The following PCDHGB3 variants were observed in gnomAD, a reference collection of about 807,000 sequenced individuals.
PCDHGB3 encodes protocadherin gamma subfamily B, 3, also known as protocadherin gamma-B3.
A neutral mutation model predicts 59.2 loss-of-function variants in PCDHGB3; 40 were observed. The observed-to-expected ratio is 0.68, with a 90% CI of 0.52 to 0.88. The LOEUF (loss-of-function observed/expected upper bound fraction) is 0.88, where lower values mean the gene tolerates loss of function less well. PCDHGB3 is among the 40% of genes least tolerant of loss of function. The pLI, the probability that PCDHGB3 is intolerant of heterozygous loss-of-function variation, is 0.00. For missense variants in PCDHGB3, 1,309 were observed against 1,187.9 expected (o/e 1.10, Z -1.50); for synonymous variants, 581 against 503.6 (o/e 1.15, Z -2.06).
chr5:141,477,262 C>A lies in PCDHGB3; in HGVS notation c.2416-17545C>A, dbSNP rs60063068. 1.2e-5 allele frequency: 19 copies of A among 1,614,020 alleles called. No homozygotes were observed. The East Asian group carries it at 4.2e-4, about 36-fold the overall frequency. On this transcript the variant is annotated intron_variant, in intron 1 of 3. Transcript: ENST00000576222. This position sits in a 1 kb window ranked among gnomAD's most constrained non-coding sequence, Gnocchi z 4.9. ...TCAGTGTGACTGACCTGGATGCTGG[C>A]GAGAACGGGCTGGTGACCTGCGAAG...
intron 1 of PCDHGB3, chr5:141,414,424 G>C (rs762669763): frequency 1.2e-6 from 2 of 1,613,846 alleles, no homozygotes; most frequent in Non-Finnish European, 1.7e-6. Context: ...CCTTGACAGG[G>C]AACAGGTATC....
Position 141,476,348 on chromosome 5 carries a change from G to C in PCDHGB3, c.2416-18459G>C, listed in dbSNP as rs764669470. Reference sequence around the variant, plus strand: ...GTCTGGAGCTAGCCGAAGATTCTTTGAGGTGAACCGGGAGACCGGAGAGAT... The same window carrying C: ...GTCTGGAGCTAGCCGAAGATTCTTTCAGGTGAACCGGGAGACCGGAGAGAT... On this transcript the variant is annotated intron_variant, in intron 1 of 3. Transcript: ENST00000576222. The surrounding 1 kb of genome is among the most constrained non-coding windows in gnomAD (Gnocchi z 7.6). 2 of 1,614,190 alleles carry C rather than the reference G, an allele frequency of 1.2e-6. No individual in the cohort carries two copies. The highest frequency in any genetic ancestry group is 2.2e-5 in the South Asian group (2 of 91,078).
At chr5:141,376,640 T>TA in intron 1 of PCDHGB3, 1 of 1,130,380 alleles carries the variant, frequency 8.8e-7, no homozygotes, top group Non-Finnish European at 1.2e-6. Context: ...CGTGATTTTG[T>TA]AAAGTGGAAG....
intron 1 of PCDHGB3, among the ~76,000 whole-genome samples, chr5:141,401,772 G>T (rs756327304): frequency 6.6e-6 from 1 of 152,126 alleles, no homozygotes; most frequent in Non-Finnish European, 1.5e-5. Context: ...TAAGTCTTTT[G>T]CTTGGTTTCC....
At position 141,370,269 on chromosome 5, in the gene PCDHGB3, G is replaced by T; in HGVS notation, c.-126G>T. 1 of 783,944 alleles carries T rather than the reference G, an allele frequency of 1.3e-6. No individual in the cohort carries two copies. The highest frequency in any genetic ancestry group is 2.7e-5 in the East Asian group (1 of 37,226). The allele number at this position is 783,944 out of a possible 1,614,324, so 48.6% of individuals were successfully genotyped here. A position where few individuals can be genotyped will look rare whatever the true frequency, so the allele number is the denominator to read the frequency against. Reference sequence around the variant, plus strand: ...ACTCTCTATCAGGCTTCCTGCAGCGGAGACACCCATTAGAGAACCCAAGCA... The same window carrying T: ...ACTCTCTATCAGGCTTCCTGCAGCGTAGACACCCATTAGAGAACCCAAGCA... On this transcript the variant is annotated 5_prime_UTR_variant, in exon 1 of 4. Coordinates refer to ENST00000576222, the MANE Select transcript of PCDHGB3 (RefSeq NM_018924.5).
chr5:141,422,535 A>T lies in PCDHGB3; in HGVS notation c.2415+49726A>T, dbSNP rs760963618. On this transcript the variant is annotated intron_variant, in intron 1 of 3. Transcript: ENST00000576222. ...AGGGAAGCCCGCCTTTGTCTGCAGA[A>T]ACTCATGTCTGGCTGAATGTGGCAG... 20 of 1,613,826 alleles carry T rather than the reference A, an allele frequency of 1.2e-5. 1 individual carries two copies. Among genetic ancestry groups the T allele is most frequent in the Non-Finnish European group, 8.5e-7 (1 of 1,179,882 alleles).
intron 1 of PCDHGB3, chr5:141,392,124 A>G (rs1448052063): frequency 1.3e-5 from 2 of 152,226 alleles, no homozygotes; most frequent in Admixed American, 1.3e-4. Flanking sequence ...GAAAGCTTGT[A>G]AAATGATTAA....
At chr5:141,505,241 T>C in intron 2 of PCDHGB3, 152 bp from the exon 3 acceptor site, 3 of 1,396,292 alleles carry the variant, frequency 2.1e-6, no homozygotes, top group South Asian at 1.4e-5. Flanking sequence ...TTCTGAAGGA[T>C]TGTAGAAGTG....
At chr5:141,497,677 C>T in intron 2 of PCDHGB3, among the ~76,000 whole-genome samples, 1 of 151,836 alleles carries the variant, frequency 6.6e-6, no homozygotes, top group East Asian at 1.9e-4. Context: ...GTAGCTGGGA[C>T]AGCAGGTGTG....
Position 141,370,570 on chromosome 5 carries a change from G to A in PCDHGB3, c.176G>A (p.Gly59Glu), listed in dbSNP as rs1373345113. Residue 59 changes from glycine to glutamate, a missense_variant, in exon 1 of 4, where the codon GGG (glycine) becomes GAG (glutamate). Physicochemically the swap from Gly to Glu is moderately conservative, Grantham distance 98 (BLOSUM62 -2). Transcript: ENST00000576222. ...GCCAAGGACCTGGGGTTTGGCGTGG[G>A]GGATTTACCTACTAGGAACCTGCGG... ...NLAKDLGFGV[G>E]DLPTRNLRVI... 1.2e-6 allele frequency: 2 copies of A among 1,613,946 alleles called. No homozygotes were observed. The highest frequency in any genetic ancestry group is 1.3e-5 in the African/African-American group (1 of 75,022).
rs751563833 is a variant in PCDHGB3 at position 141,421,382 on chromosome 5, A to T, written c.2415+48573A>T. 5.6e-6 allele frequency: 9 copies of T among 1,613,906 alleles called. No homozygotes were observed. The South Asian group carries it at 8.8e-5, about 16-fold the overall frequency. ...TCCTTCGTGGGCAATATCTCCAAGG[A>T]CCTGGGGCTGGAGCCCCGGGAGCTG... On this transcript the variant is annotated intron_variant, in intron 1 of 3. Transcript: ENST00000576222.
chr5:141,487,811 A>C lies in PCDHGB3; in HGVS notation c.2416-6996A>C, dbSNP rs1389081995. 2 of 1,414,662 alleles carry C rather than the reference A, an allele frequency of 1.4e-6. No homozygotes were observed. The highest frequency in any genetic ancestry group is 1.9e-6 in the Non-Finnish European group (2 of 1,041,698). The allele number at this position is 1,414,662 out of a possible 1,614,324, so 87.6% of individuals were successfully genotyped here. On this transcript the variant is annotated intron_variant, in intron 1 of 3. Coordinates refer to ENST00000576222, the MANE Select transcript of PCDHGB3 (RefSeq NM_018924.5). This position sits in a 1 kb window ranked among gnomAD's most constrained non-coding sequence, Gnocchi z 5.0. ...TTAACCAGAGTTGTCACAGTTTAGC[A>C]TTGGGGGCGGGTCATGCCTATATCT...
intron 1 of PCDHGB3, chr5:141,433,309 T>C: frequency 1.1e-6 from 1 of 901,134 alleles, no homozygotes; most frequent in Admixed American, 2.7e-5. Context: ...TTATCCCACC[T>C]TTGCCTCCGG....
chr5:141,485,362 G>T lies in PCDHGB3; in HGVS notation c.2416-9445G>T. 6.2e-7 allele frequency: 1 copy of T among 1,614,144 alleles called. No individual in the cohort carries two copies. ...ATACGGACAGTCTGTCAGCTCGCAG[G>T]CTGCAGGTCGCTGGAGAGGTGAACC... is the stretch of plus-strand genomic sequence containing the variant. On this transcript the variant is annotated intron_variant, in intron 1 of 3. Coordinates refer to ENST00000576222, the MANE Select transcript of PCDHGB3 (RefSeq NM_018924.5). The surrounding 1 kb of genome is among the most constrained non-coding windows in gnomAD (Gnocchi z 5.7).
chr5:141,450,650 C>G (rs1220350105), intron 1 of PCDHGB3, among the ~76,000 whole-genome samples: 1 of 151,618 alleles, frequency 6.6e-6, no homozygotes, highest in Non-Finnish European at 1.5e-5. Context: ...CCATGCCTGG[C>G]TAATTTTTGT....
At chr5:141,473,168 A>G (rs1026233643) in intron 1 of PCDHGB3, among the ~76,000 whole-genome samples, 2 of 152,218 alleles carry the variant, frequency 1.3e-5, no homozygotes, top group Admixed American at 1.3e-4. Context: ...AGGAAGGCCC[A>G]CTGGTAACTT....
At chr5:141,443,059 A>G (rs148799842) in intron 1 of PCDHGB3, among the ~76,000 whole-genome samples, 145 of 152,348 alleles carry the variant, frequency 9.5e-4, no homozygotes, top group African/African-American at 3.3e-3. Context: ...GTTCCACTGA[A>G]GAGCGTCTTA....
chr5:141,428,594 G>A (rs1317075888), intron 1 of PCDHGB3: 4 of 227,916 alleles, frequency 1.8e-5, no homozygotes, highest in African/African-American at 9.1e-5. Context: ...CTGGTAGCAA[G>A]CTTCACTGAA....
intron 1 of PCDHGB3, chr5:141,428,224 G>A (rs1232582892): frequency 1.7e-6 from 2 of 1,164,198 alleles, no homozygotes; most frequent in Non-Finnish European, 1.3e-6. Flanking sequence ...AGTCTTCGCA[G>A]ACAGCCTGCA....
Sources: allele counts gnomAD v4.1 joint callset (sites outside exome capture counted in the v4.1 genomes callset), GRCh38; gene constraint gnomAD v4.1.1; non-coding constraint Gnocchi (gnomAD v3.1); transcripts MANE v1.5; gene names NCBI Gene and HGNC (gene_info 2026-07-23, HGNC 2026-07-21).